The following NLGN4X variants were observed in gnomAD, a reference collection of about 807,000 sequenced individuals.
NLGN4X encodes the protein neuroligin-4, X-linked.
In NLGN4X, 3 loss-of-function variants were observed where a neutral mutation model predicts 40.3. The observed-to-expected ratio is 0.07, with a 90% CI of 0.03 to 0.19. The LOEUF is 0.19. Among genes scored for constraint, NLGN4X ranks in the 10% least tolerant of loss-of-function variants. The pLI is 1.00. For synonymous variants in NLGN4X, 270 were observed against 306.8 expected (o/e 0.88, Z 1.25); for missense variants, 382 against 708.3 (o/e 0.54, Z 5.23).
At chrX:6,156,327 G>A (rs910200801) in intron 1 of NLGN4X, among the ~76,000 whole-genome samples, 2 of 111,708 alleles carry the variant, frequency 1.8e-5, no homozygotes, top group Non-Finnish European at 3.8e-5. Context: ...GGCTAACACA[G>A]TGAAACCCCA....
At chrX:6,087,026 T>A (rs1368575453) in intron 2 of NLGN4X, among the ~76,000 whole-genome samples, 9 of 112,003 alleles carry the variant, frequency 8.0e-5, no homozygotes, top group Non-Finnish European at 1.7e-4. Context: ...CTCTATCACA[T>A]GAAATCATCT....
intron 1 of NLGN4X, among the ~76,000 whole-genome samples, chrX:6,207,601 A>C (rs1356492204): frequency 8.9e-6 from 1 of 112,304 alleles, no homozygotes; most frequent in Non-Finnish European, 1.9e-5. Context: ...TGCATATGGG[A>C]AAAGAACAGG....
At chrX:6,110,619 G>A (rs2039126890) in intron 2 of NLGN4X, among the ~76,000 whole-genome samples, 1 of 111,737 alleles carries the variant, frequency 8.9e-6, no homozygotes, top group Non-Finnish European at 1.9e-5. Context: ...ATGGAGGCAG[G>A]AAAAATCAGA....
At chrX:5,905,706 G>C (rs917048503) in intron 4 of NLGN4X, among the ~76,000 whole-genome samples, 2 of 112,255 alleles carry the variant, frequency 1.8e-5, no homozygotes, top group African/African-American at 6.5e-5. Context: ...TTTAGACAAG[G>C]TATCACTCTG....
chrX:6,209,071 C>A (rs1258992685), intron 1 of NLGN4X, among the ~76,000 whole-genome samples: 1 of 111,954 alleles, frequency 8.9e-6, no homozygotes, highest in Non-Finnish European at 1.9e-5. Context: ...GAAACTATCT[C>A]TTTTGCAGGA....
chrX:6,172,171 T>C (rs1162387912), intron 1 of NLGN4X, among the ~76,000 whole-genome samples: 1 of 111,956 alleles, frequency 8.9e-6, no homozygotes, highest in African/African-American at 3.2e-5. Context: ...AACGGCCTAA[T>C]ACAGCCTCCA....
At chrX:5,967,229 A>G (rs2034860071) in intron 3 of NLGN4X, among the ~76,000 whole-genome samples, 1 of 112,010 alleles carries the variant, frequency 8.9e-6, no homozygotes. Context: ...TCCATGACAA[A>G]ATACTAATGT....
chrX:6,023,033 G>A (rs911642638), intron 3 of NLGN4X, among the ~76,000 whole-genome samples: 2 of 111,763 alleles, frequency 1.8e-5, no homozygotes, highest in Non-Finnish European at 3.8e-5. Context: ...AGACCATGAC[G>A]CAATCTACCC....
At chrX:6,200,732 G>A (rs1336514330) in intron 1 of NLGN4X, among the ~76,000 whole-genome samples, 1 of 76,572 alleles carries the variant, frequency 1.3e-5, no homozygotes, top group Non-Finnish European at 2.3e-5. Context: ...TGTCACACAC[G>A]CTGGAGTGCA....
At chrX:6,200,687 C>CTTTTTTTTTTTCTTTTTTTTTTTTT (rs1556005144) in intron 1 of NLGN4X, among the ~76,000 whole-genome samples, 73 of 55,534 alleles carry the variant, frequency 1.3e-3, no homozygotes, top group Admixed American at 1.7e-3. Flanking sequence ...CTTTCCTTTT[C>CTTTTTTTTTTTCTTTTTTTTTTTTT]TTTTTTTTTT....
chrX:6,189,932 T>C (rs1922396861), intron 1 of NLGN4X, among the ~76,000 whole-genome samples: 1 of 110,277 alleles, frequency 9.1e-6, no homozygotes, highest in Non-Finnish European at 1.9e-5. Context: ...ATTTACATAA[T>C]GTATCATTAT....
intron 3 of NLGN4X, among the ~76,000 whole-genome samples, chrX:5,965,963 A>C (rs748134701): frequency 9.0e-6 from 1 of 111,514 alleles, no homozygotes; most frequent in African/African-American, 3.3e-5. Context: ...CTTTAACATC[A>C]TTTTCATTTA....
intron 2 of NLGN4X, among the ~76,000 whole-genome samples, chrX:6,039,067 C>A (rs2037093051): frequency 1.8e-5 from 2 of 111,133 alleles, no homozygotes; most frequent in Admixed American, 1.9e-4. Context: ...GTTCTACAAT[C>A]CTCCCCATGA....
intron 2 of NLGN4X, among the ~76,000 whole-genome samples, chrX:6,074,750 GA>G (rs1278954521): frequency 1.8e-5 from 2 of 111,415 alleles, no homozygotes; most frequent in African/African-American, 6.5e-5. Context: ...AGACAAGAGT[GA>G]AAGTCTGATA....
chrX:6,216,629 C>T (rs1223001447), intron 1 of NLGN4X, among the ~76,000 whole-genome samples: 1 of 111,199 alleles, frequency 9.0e-6, no homozygotes, highest in Non-Finnish European at 1.9e-5. Flanking sequence ...GTATGGTTTA[C>T]TTTTAAATAT....
intron 2 of NLGN4X, among the ~76,000 whole-genome samples, chrX:6,038,316 A>G (rs958006947): frequency 8.9e-6 from 1 of 112,419 alleles, no homozygotes; most frequent in African/African-American, 3.2e-5. Context: ...CACAGAAAGG[A>G]CATGAATAGC....
chrX:6,211,036 A>T (rs1924560517), intron 1 of NLGN4X, among the ~76,000 whole-genome samples: 1 of 112,702 alleles, frequency 8.9e-6, no homozygotes, highest in Admixed American at 9.4e-5. Flanking sequence ...GAATGAAGTT[A>T]GATACTAAAG....
intron 2 of NLGN4X, among the ~76,000 whole-genome samples, chrX:6,117,953 GA>G (rs201584374): frequency 2.0e-4 from 21 of 106,179 alleles, no homozygotes; most frequent in East Asian, 9.0e-4. Flanking sequence ...CAACATAAGA[GA>G]AAAAAAAAAT....
intron 2 of NLGN4X, among the ~76,000 whole-genome samples, chrX:6,128,151 T>C (rs149148562): frequency 9.0e-6 from 1 of 110,992 alleles, no homozygotes; most frequent in African/African-American, 3.3e-5. Context: ...CATTCTCCCC[T>C]GTGTGCCCGT....
Sources: gnomAD v4.1 joint callset for allele counts (sites outside exome capture counted in the v4.1 genomes callset) on GRCh38, gnomAD v4.1.1 for gene constraint, MANE v1.5 for transcripts, NCBI Gene and HGNC (gene_info 2026-07-23, HGNC 2026-07-21) for gene names.